Variants in SSBP3 observed in about 807,000 individuals in gnomAD.
SSBP3 encodes the protein single stranded DNA binding protein 3.
A neutral mutation model predicts 69.6 loss-of-function variants in SSBP3; 5 were observed. The ratio of observed to expected loss-of-function variants is 0.07; its 90% confidence interval spans 0.04 to 0.15. The LOEUF (loss-of-function observed/expected upper bound fraction) is 0.15. Ranked by LOEUF, SSBP3 falls within the 10% of genes least tolerant of loss-of-function variation. The probability of loss-of-function intolerance (pLI) is 1.00; values close to 1 mark genes in which losing one functional copy is unlikely to be tolerated. For synonymous variants in SSBP3, 196 were observed against 193.4 expected (o/e 1.01, Z -0.11); for missense variants, 312 against 534.0 (o/e 0.58, Z 4.10).
chr1:54,376,520 G>A (rs1647243581), intron 4 of SSBP3, among the ~76,000 whole-genome samples: 1 of 152,174 alleles, frequency 6.6e-6, no homozygotes, highest in Non-Finnish European at 1.5e-5. Context: ...GCAATAATGT[G>A]AAGGAAAAAC....
chr1:54,316,510 G>A (rs1194989832), intron 4 of SSBP3, among the ~76,000 whole-genome samples: 11 of 146,636 alleles, frequency 7.5e-5, no homozygotes, highest in South Asian at 6.6e-4. Context: ...GCGCGGTGGC[G>A]GGCGCCTGTA....
intron 5 of SSBP3, among the ~76,000 whole-genome samples, chr1:54,276,684 C>G (rs1645294820): frequency 6.6e-6 from 1 of 151,650 alleles, no homozygotes; most frequent in Non-Finnish European, 1.5e-5. Flanking sequence ...TCCCCGTCTC[C>G]ACGAAGCCAC....
intron 4 of SSBP3, among the ~76,000 whole-genome samples, chr1:54,323,285 A>T (rs1242673208): frequency 6.6e-6 from 1 of 151,208 alleles, no homozygotes; most frequent in South Asian, 2.1e-4. Context: ...GATGCACAAG[A>T]TAACAGATAC....
intron 3 of SSBP3, among the ~76,000 whole-genome samples, chr1:54,404,007 T>C (rs765295852): frequency 1.2e-4 from 13 of 106,564 alleles, no homozygotes; most frequent in Non-Finnish European, 1.8e-4. Flanking sequence ...CAACACTTTG[T>C]GGTTTTAGTG....
At chr1:54,399,714 G>A (rs1023668833) in intron 4 of SSBP3, among the ~76,000 whole-genome samples, 4 of 152,166 alleles carry the variant, frequency 2.6e-5, no homozygotes, top group Admixed American at 6.5e-5. Flanking sequence ...AAGGAATGAA[G>A]GTTAACTAGA....
chr1:54,343,889 A>G (rs1646648550), intron 4 of SSBP3, among the ~76,000 whole-genome samples: 1 of 152,270 alleles, frequency 6.6e-6, no homozygotes, highest in South Asian at 2.1e-4. Context: ...TAGGAGAGCC[A>G]CTAGCAGGGA....
intron 4 of SSBP3, among the ~76,000 whole-genome samples, chr1:54,282,601 T>C (rs1005919870): frequency 6.6e-6 from 1 of 152,158 alleles, no homozygotes; most frequent in African/African-American, 2.4e-5. Context: ...ATTCAGGTGG[T>C]CGGCGCGTCT....
chr1:54,225,578 C>A, exon 18 of SSBP3: 5 of 452,192 alleles, frequency 1.1e-5, no homozygotes, highest in Admixed American at 4.8e-5. Context: ...ACAATGTTCC[C>A]AATAATCCGC....
At chr1:54,311,962 C>T (rs1458680870) in intron 4 of SSBP3, among the ~76,000 whole-genome samples, 2 of 152,102 alleles carry the variant, frequency 1.3e-5, no homozygotes, top group African/African-American at 2.4e-5. Flanking sequence ...AAGCCTAAAC[C>T]CAAGACTGCC....
intron 4 of SSBP3, among the ~76,000 whole-genome samples, chr1:54,316,218 C>T (rs958920824): frequency 6.6e-6 from 1 of 152,060 alleles, no homozygotes; most frequent in African/African-American, 2.4e-5. Context: ...TGGTGGCAGG[C>T]ACCTGTGGTC....
chr1:54,373,086 G>A (rs1300066721), intron 4 of SSBP3, among the ~76,000 whole-genome samples: 3 of 152,184 alleles, frequency 2.0e-5, no homozygotes, highest in African/African-American at 4.8e-5. Flanking sequence ...CCTCTTCCTG[G>A]TGTCACCCGC....
intron 17 of SSBP3, 39 bp from the exon 18 acceptor site, chr1:54,227,199 T>C: frequency 1.0e-6 from 1 of 979,156 alleles, no homozygotes; most frequent in South Asian, 1.3e-5. Flanking sequence ...GGGTGAGGAT[T>C]GTGGGGAGGC....
At chr1:54,301,765 C>T (rs1645806491) in intron 4 of SSBP3, among the ~76,000 whole-genome samples, 1 of 152,190 alleles carries the variant, frequency 6.6e-6, no homozygotes, top group South Asian at 2.1e-4. Flanking sequence ...CGGCCGCCAC[C>T]ACCACCCTAG....
chr1:54,373,427 C>G (rs1350033240), intron 4 of SSBP3, among the ~76,000 whole-genome samples: 1 of 152,104 alleles, frequency 6.6e-6, no homozygotes, highest in Non-Finnish European at 1.5e-5. Flanking sequence ...TCTGGGGCTG[C>G]CCTGGATGGA....
At chr1:54,305,951 T>G (rs1469953010) in intron 4 of SSBP3, among the ~76,000 whole-genome samples, 2 of 151,228 alleles carry the variant, frequency 1.3e-5, no homozygotes, top group Non-Finnish European at 2.9e-5. Context: ...CATGATACCC[T>G]TCCCCAGTCC....
chr1:54,407,952 C>G (rs1033331174), upstream of SSBP3, among the ~76,000 whole-genome samples: 1 of 152,008 alleles, frequency 6.6e-6, no homozygotes, highest in Non-Finnish European at 1.5e-5. Flanking sequence ...TTATTTTGAT[C>G]TGTAGAAGAG....
At chr1:54,236,575 T>A (rs1206835402) in intron 14 of SSBP3, 1 of 152,242 alleles carries the variant, frequency 6.6e-6, no homozygotes, top group Non-Finnish European at 1.5e-5. Context: ...GTGCCTGGCC[T>A]GTATTTTATT....
At position 54,406,036 on chromosome 1, in the gene SSBP3, TCGCCGCCGC is replaced by T. The variant is rs759612820; in HGVS notation, c.-37_-29del. 7.7e-4 allele frequency: 1,028 copies of T among 1,329,516 alleles called. 7 individuals are homozygous for T. The South Asian group carries it at 9.7e-3, about 13-fold the overall frequency. The allele number at this position is 1,329,516 out of a possible 1,614,324, so 82.4% of individuals were successfully genotyped here. A position where few individuals can be genotyped will look rare whatever the true frequency, so the allele number is the denominator to read the frequency against. ...TTTGCAGGGAAGAGGGCGCCGAGCC[TCGCCGCCGC>T]CGCCGCCGCCGCCGCTACCGCTCCG... On this transcript the variant is annotated 5_prime_UTR_variant, in exon 1 of 18. Coordinates refer to ENST00000610401, the Ensembl canonical transcript of SSBP3.
At chr1:54,302,749 C>T (rs184340927) in intron 4 of SSBP3, among the ~76,000 whole-genome samples, 35 of 152,286 alleles carry the variant, frequency 2.3e-4, no homozygotes, top group African/African-American at 8.2e-4. Context: ...GGAATCTCCA[C>T]CACATTAGAG....
Sources: allele counts gnomAD v4.1 joint callset (sites outside exome capture counted in the v4.1 genomes callset), GRCh38; gene constraint gnomAD v4.1.1; transcripts MANE v1.5; gene names NCBI Gene and HGNC (gene_info 2026-07-23, HGNC 2026-07-21).